CSMD2: variants seen among roughly 807,000 people sequenced by gnomAD.
CSMD2 encodes the protein CUB and sushi domain-containing protein 2.
A neutral mutation model predicts 398.5 loss-of-function variants in CSMD2; 130 were observed. That is an observed-to-expected ratio of 0.33 (90% CI 0.28 to 0.38). The LOEUF (loss-of-function observed/expected upper bound fraction) is 0.38, where lower values mean the gene tolerates loss of function less well. CSMD2 is among the 10% of genes least tolerant of loss of function. The probability of loss-of-function intolerance (pLI) is 1.00; values close to 1 mark genes in which losing one functional copy is unlikely to be tolerated. For missense variants in CSMD2, 3,829 were observed against 4,764.9 expected, an observed-to-expected ratio of 0.80 and a Z score of 5.78; for synonymous variants, 1,828 against 1,908.5, an observed-to-expected ratio of 0.96 and a Z score of 1.10.
At chr1:34,101,848 T>C (rs1213268535) in intron 1 of CSMD2, among the ~76,000 whole-genome samples, 1 of 152,206 alleles carries the variant, frequency 6.6e-6, no homozygotes, top group Non-Finnish European at 1.5e-5. Flanking sequence ...ATGTTTGACA[T>C]ACTGAAGTTT....
In CSMD2 at chr1:33,663,003, T is replaced by G. The variant is rs749432634; in HGVS notation, c.4142A>C (p.Glu1381Ala). Residue 1381 changes from glutamate (E) to alanine (A), a missense_variant, in exon 26 of 71, where the codon GAG becomes GCG. Transcript: ENST00000373381. ...CTTGGGCAGGGCCGGGCCACTCAGC[T>G]CCTTCAGCAGAACCCCGCTCTCCAC... ...GPVESGVLLK[E>A]LSGPALPKDL... 6.2e-7 allele frequency: 1 copy of G among 1,613,978 alleles called. No homozygotes were observed. The highest frequency in any genetic ancestry group is 8.5e-7 in the Non-Finnish European group (1 of 1,179,990).
intron 28 of CSMD2, among the ~76,000 whole-genome samples, chr1:33,647,062 T>A (rs1322566206): frequency 6.6e-6 from 1 of 152,086 alleles, no homozygotes; most frequent in Non-Finnish European, 1.5e-5. Context: ...GGAGTCAGAT[T>A]CCAGTCAGTG....
At chr1:33,986,396 A>G (rs1349252049) in intron 3 of CSMD2, among the ~76,000 whole-genome samples, 1 of 152,174 alleles carries the variant, frequency 6.6e-6, no homozygotes, top group Non-Finnish European at 1.5e-5. Flanking sequence ...CATAGCAAGG[A>G]GTCCTCACAT....
intron 2 of CSMD2, among the ~76,000 whole-genome samples, chr1:34,041,843 T>C (rs932153750): frequency 6.6e-6 from 1 of 152,198 alleles, no homozygotes; most frequent in African/African-American, 2.4e-5. Flanking sequence ...GAGACACACT[T>C]GGGCTCCACG....
intron 1 of CSMD2, among the ~76,000 whole-genome samples, chr1:34,135,780 G>A (rs1193595999): frequency 6.6e-6 from 1 of 151,950 alleles, no homozygotes; most frequent in Non-Finnish European, 1.5e-5. Flanking sequence ...ACAGAGTAAT[G>A]TATATGATAT....
At chr1:33,709,384 C>A in intron 21 of CSMD2, 126 bp from the exon 22 acceptor site, 1 of 730,942 alleles carries the variant, frequency 1.4e-6, no homozygotes, top group Non-Finnish European at 2.2e-6. Context: ...AAGGTGCCTG[C>A]GTGTCTGTCC....
chr1:33,571,032 G>A (rs1376308900), intron 51 of CSMD2, among the ~76,000 whole-genome samples: 1 of 152,154 alleles, frequency 6.6e-6, no homozygotes, highest in Non-Finnish European at 1.5e-5. Flanking sequence ...GTGTATTAAA[G>A]AACCAAAGAA....
chr1:33,581,529 CAAA>C lies in CSMD2; in HGVS notation c.7241-633_7241-631del, dbSNP rs59068586. Among the ~76,000 whole-genome samples, 5 of 36,884 alleles carry C rather than the reference CAAA, an allele frequency of 1.4e-4. No individual in the cohort carries two copies. The East Asian group carries it at 5.2e-3, about 38-fold the overall frequency. 24.2% of individuals were successfully genotyped at this position (36,884 alleles called of 152,430 possible). A position where few individuals can be genotyped will look rare whatever the true frequency, so the allele number is the denominator to read the frequency against. On this transcript the variant is annotated intron_variant, in intron 47 of 70. Transcript: ENST00000373381. The stretch of plus-strand genomic sequence containing the variant: ...TGGGTGACAGAGAAAGACTCAGTCT[CAAA>C]AAAAAAAAAAAAAAAAAAAAAAGAA...
chr1:33,783,163 C>T (rs1653006881), intron 12 of CSMD2, among the ~76,000 whole-genome samples: 1 of 152,022 alleles, frequency 6.6e-6, no homozygotes, highest in Non-Finnish European at 1.5e-5. Context: ...GATGGTGGTG[C>T]TGTTCGTGAA....
chr1:33,784,833 C>T (rs1284175306), intron 12 of CSMD2, among the ~76,000 whole-genome samples: 1 of 152,200 alleles, frequency 6.6e-6, no homozygotes, highest in Non-Finnish European at 1.5e-5. Flanking sequence ...TCTCATTTCA[C>T]TCTCCTAACA....
Position 33,571,735 on chromosome 1 carries a change from A to G in CSMD2, c.7763-9T>C. 6.9e-7 allele frequency: 1 copy of G among 1,459,174 alleles called. No individual in the cohort carries two copies. The highest frequency in any genetic ancestry group is 2.1e-5 in the Admixed American group (1 of 48,428). 90.4% of individuals were successfully genotyped at this position (1,459,174 alleles called of 1,614,324 possible). On this transcript the variant is annotated splice_polypyrimidine_tract_variant and intron_variant, in intron 50 of 70. Transcript: ENST00000373381. ...ATCAGGACAAGTCACAGCTGGGGAA[A>G]TGAGGAAAAGAAAGGAGGATTAATT... is the stretch of plus-strand genomic sequence containing the variant.
intron 2 of CSMD2, among the ~76,000 whole-genome samples, chr1:34,077,249 A>C (rs1226831233): frequency 1.3e-5 from 2 of 151,674 alleles, no homozygotes; most frequent in Admixed American, 1.3e-4. Context: ...CAAGGTCAGG[A>C]GATCGAGACC....
intron 2 of CSMD2, among the ~76,000 whole-genome samples, chr1:34,070,119 G>A (rs1009814283): frequency 6.6e-6 from 1 of 152,178 alleles, no homozygotes; most frequent in Non-Finnish European, 1.5e-5. Flanking sequence ...CTCCAAAATA[G>A]AAGAAGCCCA....
Position 33,583,637 on chromosome 1 carries a change from C to G in CSMD2, c.7240+5G>C, listed in dbSNP as rs1453663161. ...AGAGAACTGTGAGGCATTTGACTGA[C>G]TTACCATCAAAAATCTCAAACTCAT... On this transcript the variant is annotated splice_donor_5th_base_variant and intron_variant, in intron 47 of 70. Transcript: ENST00000373381. 6.2e-7 allele frequency: 1 copy of G among 1,613,210 alleles called. No individual in the cohort carries two copies. Among genetic ancestry groups the G allele is most frequent in the African/African-American group, 1.3e-5 (1 of 74,900 alleles).
chr1:33,533,825 G>A lies in CSMD2; in HGVS notation c.9962C>T (p.Thr3321Ile). 6.2e-7 allele frequency: 1 copy of A among 1,613,920 alleles called. No homozygotes were observed. Among genetic ancestry groups the A allele is most frequent in the Non-Finnish European group, 8.5e-7 (1 of 1,179,788 alleles). The change falls in exon 63 of 71, where the codon ACC becomes ATC. Residue 3321 changes from threonine (T) to isoleucine (I), a missense_variant. Physicochemically the swap from Thr to Ile is moderately conservative, Grantham distance 89. Around this residue, in one of 5 missense-constraint regions of CSMD2, gnomAD observed 917 missense variants for 1,199.5 expected, o/e 0.76. Transcript: ENST00000373381. This position sits in a 1 kb window ranked among gnomAD's most constrained non-coding sequence, Gnocchi z 4.2. ...ACAGTCAGGTGGGGTTCCACTCCAGGTCAGGTTTGGGAGGCAGGTCCTGGT... is the reference window on the plus strand; with the variant it reads ...ACAGTCAGGTGGGGTTCCACTCCAGATCAGGTTTGGGAGGCAGGTCCTGGT... Reference protein sequence around the residue: ...STTRTCLPNLTWSGTPPDCVP... With the variant: ...STTRTCLPNLIWSGTPPDCVP...
At chr1:34,083,264 G>A (rs898907678) in intron 2 of CSMD2, among the ~76,000 whole-genome samples, 80 of 152,308 alleles carry the variant, frequency 5.3e-4, no homozygotes, top group African/African-American at 1.7e-3. Flanking sequence ...TAGAACCAGA[G>A]AGGCTGAGAT....
intron 5 of CSMD2, among the ~76,000 whole-genome samples, chr1:33,899,935 G>C (rs10799007): frequency 0.27 from 40,820 of 152,088 alleles, 5,649 homozygotes; most frequent in South Asian, 0.33. Flanking sequence ...CGGTCAGCCT[G>C]AAGCTGCCTC....
chr1:33,919,126 G>A (rs1315516355), intron 4 of CSMD2, among the ~76,000 whole-genome samples: 3 of 152,200 alleles, frequency 2.0e-5, no homozygotes, highest in Admixed American at 1.3e-4. Context: ...GGATGAGATC[G>A]AGCTAAGGTC....
chr1:34,058,605 G>A (rs1251476323), intron 2 of CSMD2, among the ~76,000 whole-genome samples: 1 of 152,208 alleles, frequency 6.6e-6, no homozygotes, highest in Non-Finnish European at 1.5e-5. Context: ...AGAAGGCAGG[G>A]TTTAGAGCTG....
Sources: gnomAD v4.1 joint callset for allele counts (sites outside exome capture counted in the v4.1 genomes callset) on GRCh38, gnomAD v4.1.1 for gene constraint, gnomAD v4.1.1 regional missense constraint, Gnocchi (gnomAD v3.1) non-coding constraint, MANE v1.5 for transcripts, NCBI Gene and HGNC (gene_info 2026-07-23, HGNC 2026-07-21) for gene names.